PHC2: variants seen among roughly 807,000 people sequenced by gnomAD.
PHC2 encodes the protein polyhomeotic homolog 2.
PHC2 carries 29 observed loss-of-function variants against 87.4 expected under a neutral mutation model. That is an observed-to-expected ratio of 0.33 (90% CI 0.25 to 0.45). The LOEUF (loss-of-function observed/expected upper bound fraction) is 0.45, where lower values mean the gene tolerates loss of function less well. Among genes scored for constraint, PHC2 ranks in the 20% least tolerant of loss-of-function variants. The probability of loss-of-function intolerance (pLI) is 1.00; values close to 1 mark genes in which losing one functional copy is unlikely to be tolerated. For missense variants in PHC2, 857 were observed against 1,136.7 expected (o/e 0.75, Z 3.54); for synonymous variants, 438 against 461.7 (o/e 0.95, Z 0.66).
At chr1:33,421,678 A>C (rs1051847946) in intron 1 of PHC2, among the ~76,000 whole-genome samples, 4 of 152,220 alleles carry the variant, frequency 2.6e-5, no homozygotes, top group Admixed American at 2.6e-4. Context: ...ACTCCAAGAC[A>C]TGGGTGGTGT....
intron 8 of PHC2, 62 bp downstream of exon 8, chr1:33,354,776 T>G: frequency 6.5e-7 from 1 of 1,542,430 alleles, no homozygotes; most frequent in East Asian, 2.3e-5. Context: ...GACGGGGCTG[T>G]GGGGTCGTCC....
chr1:33,386,409 C>G (rs11584564), intron 1 of PHC2, among the ~76,000 whole-genome samples: 75,101 of 151,174 alleles, frequency 0.5, 19,563 homozygotes, highest in South Asian at 0.62. Context: ...ATCCCAGCTA[C>G]TCATGAGGCT....
chr1:33,377,695 G>A (rs773138706), intron 1 of PHC2, among the ~76,000 whole-genome samples: 19 of 151,576 alleles, frequency 1.3e-4, no homozygotes, highest in Non-Finnish European at 2.5e-4. Context: ...CATTTAATAG[G>A]TGAAGAAAAT....
intron 1 of PHC2, among the ~76,000 whole-genome samples, chr1:33,392,156 C>T (rs1194540860): frequency 7.6e-6 from 1 of 131,878 alleles, no homozygotes; most frequent in Admixed American, 7.1e-5. Context: ...CAGCTGTGTG[C>T]ACACATACGT....
chr1:33,425,522 T>C (rs1177895933), intron 1 of PHC2, among the ~76,000 whole-genome samples: 2 of 152,218 alleles, frequency 1.3e-5, no homozygotes, highest in African/African-American at 4.8e-5. Flanking sequence ...ATTATAACAA[T>C]GTGGTAAATG....
At chr1:33,395,449 AAAAT>A (rs57375740) in intron 1 of PHC2, among the ~76,000 whole-genome samples, 59,317 of 150,852 alleles carry the variant, frequency 0.39, 12,590 homozygotes, top group African/African-American at 0.57. Flanking sequence ...CCTTAAGATA[AAAAT>A]AAATAAATAA....
At chr1:33,326,794 A>G (rs911611492) in intron 14 of PHC2, among the ~76,000 whole-genome samples, 1 of 152,168 alleles carries the variant, frequency 6.6e-6, no homozygotes, top group African/African-American at 2.4e-5. Context: ...CTCTACTAAA[A>G]TACAAAAATT....
Position 33,331,508 on chromosome 1 carries a change from C to T in PHC2, c.1892-46G>A, listed in dbSNP as rs1419470999. 2 of 1,194,972 alleles carry T rather than the reference C, an allele frequency of 1.7e-6. No homozygotes were observed. The highest frequency in any genetic ancestry group is 2.5e-6 in the Non-Finnish European group (2 of 804,316). The allele number at this position is 1,194,972 out of a possible 1,614,324, so 74.0% of individuals were successfully genotyped here. A position where few individuals can be genotyped will look rare whatever the true frequency, so the allele number is the denominator to read the frequency against. On this transcript the variant is annotated intron_variant, in intron 11 of 14. Transcript: ENST00000683057. This position sits in a 1 kb window ranked among gnomAD's most constrained non-coding sequence, Gnocchi z 5.2. ...TAGGGTGGAGAATGAGAAATTCCTG[C>T]AGGACTGTGGCCAGCCCCACCACGG...
intron 1 of PHC2, among the ~76,000 whole-genome samples, chr1:33,394,255 G>T (rs954232815): frequency 6.6e-6 from 1 of 151,722 alleles, no homozygotes; most frequent in Non-Finnish European, 1.5e-5. Flanking sequence ...GAACTCTGAT[G>T]TCCAAATAAT....
Position 33,375,356 on chromosome 1 carries a change from A to G in PHC2, c.174+10T>C, listed in dbSNP as rs746324573. 1.3e-6 allele frequency: 2 copies of G among 1,536,218 alleles called. No individual in the cohort carries two copies. Among genetic ancestry groups the G allele is most frequent in the Non-Finnish European group, 1.8e-6 (2 of 1,137,886 alleles). On this transcript the variant is annotated intron_variant, in intron 2 of 14. Transcript: ENST00000683057. ...AAGGAGTATAATTCCCAGATCAATT[A>G]GACTCTTACCTGCACGGTCTGCCGG...
rs1171755913 is a variant in PHC2, at chr1:33,367,128, G to A, written c.964C>T (p.Leu322Phe). 2 of 1,605,840 alleles carry A rather than the reference G, an allele frequency of 1.2e-6. No individual in the cohort carries two copies. The highest frequency in any genetic ancestry group is 1.7e-5 in the Admixed American group (1 of 59,764). The change falls in exon 7 of 15, where the codon CTC becomes TTC. Residue 322 changes from leucine to phenylalanine, a missense_variant. Coordinates refer to ENST00000683057, the MANE Select transcript of PHC2 (RefSeq NM_001385109.1). ...RTVPAVAAHP[L>F]IAPAYAQLQP... is the part of the protein sequence containing the mutation. Reference sequence around the variant, plus strand: ...CTGAAGACCTTACCTGGTGCAATGAGGGGGTGGGCAGCCACAGCAGGAACC... The same window carrying A: ...CTGAAGACCTTACCTGGTGCAATGAAGGGGTGGGCAGCCACAGCAGGAACC...
At chr1:33,352,518 A>G (rs779490772) in intron 9 of PHC2, among the ~76,000 whole-genome samples, 2 of 152,224 alleles carry the variant, frequency 1.3e-5, no homozygotes, top group Non-Finnish European at 2.9e-5. Context: ...ACTATTAATC[A>G]TTACTGTTTT....
chr1:33,417,113 A>G (rs1650244099), intron 1 of PHC2, among the ~76,000 whole-genome samples: 1 of 152,088 alleles, frequency 6.6e-6, no homozygotes, highest in Non-Finnish European at 1.5e-5. Context: ...GACAAATACT[A>G]AGAAAAGATA....
chr1:33,390,113 G>A (rs1648973229), intron 1 of PHC2, among the ~76,000 whole-genome samples: 1 of 152,172 alleles, frequency 6.6e-6, no homozygotes, highest in Non-Finnish European at 1.5e-5. Flanking sequence ...GAGGAAGTGA[G>A]TTCCTAGTCG....
Position 33,354,532 on chromosome 1 carries a change from A to G in PHC2, c.1427T>C (p.Val476Ala). 1.9e-6 allele frequency: 3 copies of G among 1,614,072 alleles called. No individual in the cohort carries two copies. The highest frequency in any genetic ancestry group is 2.5e-6 in the Non-Finnish European group (3 of 1,179,984). ...QQCVPDDWKE[V>A]APGEKSVPET... Reference sequence around the variant, plus strand: ...AGGCACACTTTTCTCCCCTGGTGCCACTTCTTTCCAGTCATCAGGGACACA... The same window carrying G: ...AGGCACACTTTTCTCCCCTGGTGCCGCTTCTTTCCAGTCATCAGGGACACA... Residue 476 changes from valine to alanine, a missense_variant, in exon 9 of 15, where the codon GTG (valine) becomes GCG (alanine). Transcript: ENST00000683057.
intron 1 of PHC2, among the ~76,000 whole-genome samples, chr1:33,430,762 CA>C (rs1650882051): frequency 6.6e-6 from 1 of 150,728 alleles, no homozygotes; most frequent in African/African-American, 2.4e-5. Context: ...GCGCGGGCCC[CA>C]CGCCGCGGAC....
At chr1:33,370,966 A>T in intron 4 of PHC2, 51 bp downstream of exon 4, 2 of 1,484,728 alleles carry the variant, frequency 1.3e-6, no homozygotes, top group South Asian at 1.1e-5. Context: ...GAACTTGGGC[A>T]TTTTGGTCCT....
At chr1:33,405,928 C>T (rs904456816) in intron 1 of PHC2, among the ~76,000 whole-genome samples, 8 of 152,164 alleles carry the variant, frequency 5.3e-5, no homozygotes, top group African/African-American at 1.9e-4. Flanking sequence ...ACTTTTATAA[C>T]TGTTCCTTCC....
intron 2 of PHC2, among the ~76,000 whole-genome samples, chr1:33,372,757 T>G (rs898173305): frequency 2.0e-5 from 3 of 152,192 alleles, no homozygotes; most frequent in African/African-American, 7.2e-5. Flanking sequence ...TAACCAACTC[T>G]TGGGCAGTAG....
Sources: gnomAD v4.1 joint callset for allele counts (sites outside exome capture counted in the v4.1 genomes callset) on GRCh38, gnomAD v4.1.1 for gene constraint, Gnocchi (gnomAD v3.1) non-coding constraint, MANE v1.5 for transcripts, NCBI Gene and HGNC (gene_info 2026-07-23, HGNC 2026-07-21) for gene names.